Variants in UBLCP1 observed in about 807,000 individuals in gnomAD.
UBLCP1 encodes ubiquitin-like domain-containing CTD phosphatase 1.
In UBLCP1, 28 loss-of-function variants were observed where a neutral mutation model predicts 42.4. The observed-to-expected ratio is 0.66, with a 90% CI of 0.49 to 0.90. The LOEUF is 0.90. Ranked by LOEUF, UBLCP1 falls within the 40% of genes least tolerant of loss-of-function variation. The pLI is 0.00. For synonymous variants in UBLCP1, 122 were observed against 120.8 expected, an observed-to-expected ratio of 1.01 and a Z score of -0.07; for missense variants, 279 against 374.5, an observed-to-expected ratio of 0.75 and a Z score of 2.10.
chr5:159,284,660 T>TC (rs1753648410), intron 10 of UBLCP1, among the ~76,000 whole-genome samples: 1 of 152,190 alleles, frequency 6.6e-6, no homozygotes, highest in African/African-American at 2.4e-5. Context: ...TTGCTTAACC[T>TC]CTTTGTGCCT....
chr5:159,275,402 G>C (rs879115392), intron 8 of UBLCP1, 156 bp downstream of exon 8: 2 of 203,828 alleles, frequency 9.8e-6, no homozygotes, highest in Non-Finnish European at 9.2e-6. Context: ...AAGGTTAAAA[G>C]ATTTTTTTTT....
chr5:159,268,872 A>ATT lies in UBLCP1; in HGVS notation c.-36_-35dup. ...TTCATTTTTGTCTTCCTTTCCAGGT[A>ATT]TTTTTTTTTCTGAAGGAAAGCTGCT... On this transcript the variant is annotated 5_prime_UTR_variant, in exon 2 of 11. Transcript: ENST00000296786. 4.6e-6 allele frequency: 7 copies of ATT among 1,528,746 alleles called. No individual in the cohort carries two copies. In the South Asian group the frequency reaches 4.9e-5, roughly 11 times the overall value. The allele number at this position is 1,528,746 out of a possible 1,614,324, so 94.7% of individuals were successfully genotyped here.
In UBLCP1 at chr5:159,285,245, A is replaced by C. The variant is rs62378746; in HGVS notation, c.*314A>C. ...ACACACACACACACACACACACACAAAGTGGAGAAAAATGTATACTCAACA... is the reference window on the plus strand; with the variant it reads ...ACACACACACACACACACACACACACAGTGGAGAAAAATGTATACTCAACA... On this transcript the variant is annotated 3_prime_UTR_variant, in exon 11 of 11. Transcript: ENST00000296786. The C allele has an allele frequency of 3.9e-5, 4 of 102,366 alleles. No homozygotes were observed. Among genetic ancestry groups the C allele is most frequent in the East Asian group, 2.2e-4 (1 of 4,632 alleles). 6.3% of individuals were successfully genotyped at this position (102,366 alleles called of 1,614,324 possible). A position where few individuals can be genotyped will look rare whatever the true frequency, so the allele number is the denominator to read the frequency against.
rs562965812 is a variant in UBLCP1, at chr5:159,274,801, C to G, written c.585+179C>G. Among the ~76,000 whole-genome samples, 10 of 152,234 alleles carry G rather than the reference C, an allele frequency of 6.6e-5. No individual in the cohort carries two copies. The South Asian group carries it at 2.1e-3, about 32-fold the overall frequency. ...TTAATAAGTGGATTGTACTGAATCCCTAAGTCTTTTTTAAGAAAAAGTATA... is the reference window on the plus strand; with the variant it reads ...TTAATAAGTGGATTGTACTGAATCCGTAAGTCTTTTTTAAGAAAAAGTATA... On this transcript the variant is annotated intron_variant, in intron 7 of 10. Transcript: ENST00000296786.
rs1055662466 is a variant in UBLCP1 at position 159,278,130 on chromosome 5, A to G, written c.685-108A>G. ...TAGCTCACACCTGTCTTACAGGGGG[A>G]AAGGAACACTTTGGCATTGTTCTGC... On this transcript the variant is annotated intron_variant, in intron 8 of 10. Coordinates refer to ENST00000296786, the MANE Select transcript of UBLCP1 (RefSeq NM_145049.5). 10 of 707,966 alleles carry G rather than the reference A, an allele frequency of 1.4e-5. No homozygotes were observed. The South Asian group carries it at 1.7e-4, about 12-fold the overall frequency. The allele number at this position is 707,966 out of a possible 1,614,324, so 43.9% of individuals were successfully genotyped here.
chr5:159,267,061 G>A lies in UBLCP1; in HGVS notation c.-46-1809G>A, dbSNP rs188307706. Among the ~76,000 whole-genome samples the A allele has an allele frequency of 4.3e-4, 65 of 152,278 alleles. No homozygotes were observed. In the East Asian group the frequency reaches 0.012, roughly 28 times the overall value. On this transcript the variant is annotated intron_variant, in intron 1 of 10. Coordinates refer to ENST00000296786, the MANE Select transcript of UBLCP1 (RefSeq NM_145049.5). The stretch of plus-strand genomic sequence containing the variant: ...GCACTGCCTAGTGGAGCTGAGAGAA[G>A]AGGGCCACCACCCTCCAGGCCCCAG...
chr5:159,269,926 A>G lies in UBLCP1; in HGVS notation c.173A>G (p.Asp58Gly). The G allele has an allele frequency of 6.2e-7, 1 of 1,613,090 alleles. No individual in the cohort carries two copies. Residue 58 changes from aspartate (D) to glycine (G), a missense_variant, in exon 3 of 11, where the codon GAT (aspartate) becomes GGT (glycine). Physicochemically the swap from Asp to Gly is moderately conservative, Grantham distance 94. Transcript: ENST00000296786. ...ATTGTAGGCAAACCTGCAGAAAATG[A>G]TGTTAAGCTTGGAGCTCTCAAACTG... ...LKVKGKPAENDVKLGALKLKP... is the reference protein window; with the variant it reads ...LKVKGKPAENGVKLGALKLKP...
intron 10 of UBLCP1, among the ~76,000 whole-genome samples, chr5:159,283,926 A>T (rs1753637708): frequency 6.6e-6 from 1 of 152,128 alleles, no homozygotes; most frequent in African/African-American, 2.4e-5. Flanking sequence ...ATAAACATCA[A>T]GGTTTTGAGA....
chr5:159,283,578 A>C (rs1753632733), intron 10 of UBLCP1, among the ~76,000 whole-genome samples: 1 of 152,106 alleles, frequency 6.6e-6, no homozygotes, highest in Non-Finnish European at 1.5e-5. Flanking sequence ...AGAAGAGAGA[A>C]CTTGAGAGAC....
In UBLCP1 at chr5:159,275,247, G is replaced by A. The variant is rs748876402; in HGVS notation, c.684+1G>A. Reference sequence around the variant, plus strand: ...TACTCCAAGGAGAGGATTAATAGACGTAAGAAGTCATTTTATTTCTATTTA... The same window carrying A: ...TACTCCAAGGAGAGGATTAATAGACATAAGAAGTCATTTTATTTCTATTTA... On this transcript the variant is annotated splice_donor_variant, in intron 8 of 10. Coordinates refer to ENST00000296786, the MANE Select transcript of UBLCP1 (RefSeq NM_145049.5). LOFTEE classifies it high-confidence loss of function. 3 of 1,606,660 alleles carry A rather than the reference G, an allele frequency of 1.9e-6. No individual in the cohort carries two copies. The highest frequency in any genetic ancestry group is 1.7e-5 in the Admixed American group (1 of 59,834).
chr5:159,271,033 A>C (rs903077584), intron 5 of UBLCP1, among the ~76,000 whole-genome samples: 4 of 151,892 alleles, frequency 2.6e-5, no homozygotes, highest in Non-Finnish European at 5.9e-5. Context: ...TAGTTTATGG[A>C]TGCATCATCA....
chr5:159,273,482 TC>T (rs1245829138), intron 6 of UBLCP1, among the ~76,000 whole-genome samples: 3 of 152,322 alleles, frequency 2.0e-5, no homozygotes, highest in African/African-American at 7.2e-5. Context: ...CTTAGTTCCC[TC>T]ACTTGAGAAA....
intron 9 of UBLCP1, among the ~76,000 whole-genome samples, chr5:159,281,402 T>TG (rs1753603887): frequency 6.6e-6 from 1 of 152,248 alleles, no homozygotes; most frequent in African/African-American, 2.4e-5. Context: ...ATCATGACTC[T>TG]GTTTACTCCC....
At position 159,272,652 on chromosome 5, in the gene UBLCP1, T is replaced by C. The variant is rs1029380059; in HGVS notation, c.547+531T>C. ...GTTTTAAAATACTTGGAAAAAGGTGTTTAAAACAAAATCACAGTGATATAG... is the reference window on the plus strand; with the variant it reads ...GTTTTAAAATACTTGGAAAAAGGTGCTTAAAACAAAATCACAGTGATATAG... On this transcript the variant is annotated intron_variant, in intron 6 of 10. Coordinates refer to ENST00000296786, the MANE Select transcript of UBLCP1 (RefSeq NM_145049.5). Among the ~76,000 whole-genome samples, 12 of 152,304 alleles carry C rather than the reference T, an allele frequency of 7.9e-5. 1 individual carries two copies. The East Asian group carries it at 2.3e-3, about 29-fold the overall frequency.
At position 159,285,535 on chromosome 5, in the gene UBLCP1, C is replaced by G. The variant is rs1189997410; in HGVS notation, c.*604C>G. 6.5e-6 allele frequency: 1 copy of G among 152,800 alleles called. No homozygotes were observed. Among genetic ancestry groups the G allele is most frequent in the Non-Finnish European group, 1.5e-5 (1 of 68,528 alleles). 9.5% of individuals were successfully genotyped at this position (152,800 alleles called of 1,614,324 possible). ...GTTACATTTCTAAATTCTGAGCGGT[C>G]TCAGTTAGGCCTGTATGTGTGTACA... On this transcript the variant is annotated 3_prime_UTR_variant, in exon 11 of 11. Coordinates refer to ENST00000296786, the MANE Select transcript of UBLCP1 (RefSeq NM_145049.5).
intron 1 of UBLCP1, among the ~76,000 whole-genome samples, chr5:159,265,385 G>T (rs1753377594): frequency 6.6e-6 from 1 of 152,228 alleles, no homozygotes; most frequent in African/African-American, 2.4e-5. Context: ...TCTCTGGACT[G>T]TGGGAGGAAT....
intron 6 of UBLCP1, among the ~76,000 whole-genome samples, chr5:159,273,698 A>G (rs888343309): frequency 2.6e-5 from 4 of 152,086 alleles, no homozygotes; most frequent in African/African-American, 9.7e-5. Context: ...TTTTCATTGG[A>G]GATACAATAG....
Position 159,285,199 on chromosome 5 carries a change from CA to C in UBLCP1, c.*269del. The C allele has an allele frequency of 2.1e-5, 2 of 93,194 alleles. No homozygotes were observed. Among genetic ancestry groups the C allele is most frequent in the Non-Finnish European group, 3.8e-5 (2 of 52,592 alleles). 5.8% of individuals were successfully genotyped at this position (93,194 alleles called of 1,614,324 possible). A position where few individuals can be genotyped will look rare whatever the true frequency, so the allele number is the denominator to read the frequency against. On this transcript the variant is annotated 3_prime_UTR_variant, in exon 11 of 11. Coordinates refer to ENST00000296786, the MANE Select transcript of UBLCP1 (RefSeq NM_145049.5). ...TACTGACCACCCCACCCTCCCACCA[CA>C]CACACACACACACACACACACACAC...
At position 159,284,998 on chromosome 5, in the gene UBLCP1, A is replaced by G. The variant is rs1384402001; in HGVS notation, c.*67A>G. ...AAGAACTTCTTGCTTTTATGCTAGA[A>G]ATCATTATGATAGTGCTGGACACTG... On this transcript the variant is annotated 3_prime_UTR_variant, in exon 11 of 11. Coordinates refer to ENST00000296786, the MANE Select transcript of UBLCP1 (RefSeq NM_145049.5). The G allele has an allele frequency of 4.7e-6, 7 of 1,476,420 alleles. No homozygotes were observed. The highest frequency in any genetic ancestry group is 4.7e-6 in the Non-Finnish European group (5 of 1,056,152). 91.5% of individuals were successfully genotyped at this position (1,476,420 alleles called of 1,614,324 possible). A position where few individuals can be genotyped will look rare whatever the true frequency, so the allele number is the denominator to read the frequency against.
Sources: gnomAD v4.1 joint callset for allele counts (sites outside exome capture counted in the v4.1 genomes callset) on GRCh38, gnomAD v4.1.1 for gene constraint, MANE v1.5 for transcripts, NCBI Gene and HGNC (gene_info 2026-07-23, HGNC 2026-07-21) for gene names.